Variants in BRINP3 observed in about 807,000 individuals in gnomAD.
BRINP3 encodes the protein BMP/retinoic acid-inducible neural-specific protein 3.
A neutral mutation model predicts 71.0 loss-of-function variants in BRINP3; 19 were observed. The ratio of observed to expected loss-of-function variants is 0.27; its 90% CI spans 0.19 to 0.39. BRINP3 has a LOEUF of 0.39. Ranked by LOEUF, BRINP3 falls within the 10% of genes least tolerant of loss-of-function variation. BRINP3 has a pLI of 1.00. For synonymous variants in BRINP3, 380 were observed against 337.7 expected, an observed-to-expected ratio of 1.13 and a Z score of -1.37; for missense variants, 959 against 940.8, an observed-to-expected ratio of 1.02 and a Z score of -0.25.
intron 6 of BRINP3, among the ~76,000 whole-genome samples, chr1:190,177,329 A>ATTTTTTTTTT (rs11307442): frequency 9.5e-4 from 94 of 98,716 alleles, no homozygotes; most frequent in East Asian, 3.4e-3. Context: ...TGCCTGGATA[A>ATTTTTTTTTT]TTTTTTTTTT....
At chr1:190,133,542 T>G (rs890614189) in intron 7 of BRINP3, among the ~76,000 whole-genome samples, 16 of 151,948 alleles carry the variant, frequency 1.1e-4, no homozygotes, top group African/African-American at 3.9e-4. Flanking sequence ...GTATGATGGA[T>G]GAAAAGCATA....
At chr1:190,176,987 TA>T (rs1652566736) in intron 6 of BRINP3, among the ~76,000 whole-genome samples, 1 of 152,116 alleles carries the variant, frequency 6.6e-6, no homozygotes, top group Admixed American at 6.5e-5. Flanking sequence ...TCTATGGAGC[TA>T]AAATTGCATG....
intron 7 of BRINP3, among the ~76,000 whole-genome samples, chr1:190,147,110 T>C (rs1324699653): frequency 6.6e-6 from 1 of 152,082 alleles, no homozygotes; most frequent in African/African-American, 2.4e-5. Flanking sequence ...ATTCTGTAGC[T>C]AGCAAATTTC....
At chr1:190,412,746 G>GTA (rs1358718521) in intron 2 of BRINP3, among the ~76,000 whole-genome samples, 1 of 152,002 alleles carries the variant, frequency 6.6e-6, no homozygotes, top group Non-Finnish European at 1.5e-5. Flanking sequence ...ACAGGCGTGA[G>GTA]TATGTAGTAC....
intron 2 of BRINP3, chr1:190,342,728 T>G (rs902029679): frequency 6.6e-6 from 1 of 151,800 alleles, no homozygotes; most frequent in African/African-American, 2.4e-5. Flanking sequence ...ATCTAAGGGC[T>G]GAGCTAAGGG....
chr1:190,276,303 G>A (rs1482026161), intron 3 of BRINP3, among the ~76,000 whole-genome samples: 1 of 151,460 alleles, frequency 6.6e-6, no homozygotes, highest in African/African-American at 2.4e-5. Flanking sequence ...AACAGACCAA[G>A]TGAAAATGAG....
At chr1:190,269,639 A>T (rs1287452671) in intron 3 of BRINP3, among the ~76,000 whole-genome samples, 1 of 152,066 alleles carries the variant, frequency 6.6e-6, no homozygotes, top group Admixed American at 6.6e-5. Context: ...TAGCCCACAT[A>T]GATTTGAAAA....
At chr1:190,435,172 A>G (rs1674374799) in intron 2 of BRINP3, among the ~76,000 whole-genome samples, 2 of 152,196 alleles carry the variant, frequency 1.3e-5, no homozygotes, top group Admixed American at 1.3e-4. Context: ...GTTATCAATA[A>G]TGCATTAACA....
chr1:190,130,971 C>T (rs969199094), intron 7 of BRINP3, among the ~76,000 whole-genome samples: 17 of 151,912 alleles, frequency 1.1e-4, no homozygotes, highest in African/African-American at 4.1e-4. Context: ...TATAATCCTG[C>T]TCCCTATGCC....
chr1:190,293,058 C>A (rs1265197171), intron 2 of BRINP3, among the ~76,000 whole-genome samples: 1 of 151,412 alleles, frequency 6.6e-6, no homozygotes, highest in Admixed American at 6.6e-5. Context: ...TATTTCTTTT[C>A]TTTTACTAAT....
intron 2 of BRINP3, among the ~76,000 whole-genome samples, chr1:190,412,940 G>C (rs935240909): frequency 3.3e-5 from 5 of 151,872 alleles, no homozygotes; most frequent in Non-Finnish European, 7.4e-5. Context: ...TAGGAAGGAA[G>C]GCAGGCAAGC....
At chr1:190,228,982 C>T (rs760024772) in intron 5 of BRINP3, among the ~76,000 whole-genome samples, 1 of 151,914 alleles carries the variant, frequency 6.6e-6, no homozygotes, top group Non-Finnish European at 1.5e-5. Context: ...TGAATGTTTC[C>T]GGTGTGAAAG....
intron 2 of BRINP3, among the ~76,000 whole-genome samples, chr1:190,435,908 A>G (rs996986173): frequency 2.0e-5 from 3 of 151,938 alleles, no homozygotes; most frequent in Non-Finnish European, 2.9e-5. Flanking sequence ...ATAGCCTTTG[A>G]GCTTTTCACA....
At chr1:190,318,484 A>G (rs1472628175) in intron 2 of BRINP3, among the ~76,000 whole-genome samples, 4 of 152,162 alleles carry the variant, frequency 2.6e-5, no homozygotes, top group Non-Finnish European at 5.9e-5. Context: ...GCATGTTGGC[A>G]GCCCATATAA....
chr1:190,279,226 C>A (rs1662857036), intron 3 of BRINP3, among the ~76,000 whole-genome samples: 1 of 151,554 alleles, frequency 6.6e-6, no homozygotes, highest in Non-Finnish European at 1.5e-5. Flanking sequence ...ATTACTAAGC[C>A]AAATAGACAC....
At chr1:190,392,060 A>C (rs1387220729) in intron 2 of BRINP3, among the ~76,000 whole-genome samples, 1 of 9,802 alleles carries the variant, frequency 1.0e-4, no homozygotes, top group Non-Finnish European at 3.4e-4. Context: ...AGCTTGGCCA[A>C]AAAAAAAAAA....
intron 6 of BRINP3, among the ~76,000 whole-genome samples, chr1:190,177,533 G>A (rs764542134): frequency 8.6e-5 from 13 of 151,664 alleles, no homozygotes; most frequent in Non-Finnish European, 1.8e-4. Flanking sequence ...AAAAGGTTAC[G>A]TAGTGATAAC....
chr1:190,133,616 A>G (rs535917924), intron 7 of BRINP3, among the ~76,000 whole-genome samples: 2 of 152,258 alleles, frequency 1.3e-5, no homozygotes, highest in South Asian at 4.1e-4. Context: ...ATAGGCAGAT[A>G]AGAATGGATG....
At chr1:190,436,855 A>T (rs925718006) in intron 2 of BRINP3, among the ~76,000 whole-genome samples, 1 of 151,954 alleles carries the variant, frequency 6.6e-6, no homozygotes. Context: ...TATTGAGCAT[A>T]TGTTATGCAC....
Sources: gnomAD v4.1 joint callset for allele counts (sites outside exome capture counted in the v4.1 genomes callset) on GRCh38, gnomAD v4.1.1 for gene constraint, MANE v1.5 for transcripts, NCBI Gene and HGNC (gene_info 2026-07-23, HGNC 2026-07-21) for gene names.